WNT11: variants seen among roughly 807,000 people sequenced by gnomAD.
WNT11 encodes the protein Wnt family member 11, also known as protein Wnt-11.
Under a neutral mutation model 35.6 loss-of-function variants are expected in WNT11, and 20 were observed. The ratio of observed to expected loss-of-function variants is 0.56; its 90% CI spans 0.40 to 0.82. The LOEUF (loss-of-function observed/expected upper bound fraction) is 0.82. Ranked by LOEUF, WNT11 falls within the 40% of genes least tolerant of loss-of-function variation. WNT11 has a pLI of 0.00. For synonymous variants in WNT11, 200 were observed against 211.9 expected (o/e 0.94, Z 0.49); for missense variants, 459 against 504.4 (o/e 0.91, Z 0.86).
Position 76,187,040 on chromosome 11 carries a change from C to A in WNT11, c.*25G>T. The A allele has an allele frequency of 6.2e-7, 1 of 1,606,446 alleles. No individual in the cohort carries two copies. The highest frequency in any genetic ancestry group is 1.1e-5 in the South Asian group (1 of 91,034). On this transcript the variant is annotated 3_prime_UTR_variant, in exon 5 of 5. Coordinates refer to ENST00000322563, the MANE Select transcript of WNT11 (RefSeq NM_004626.3). ...AGGGTCCTTGAGCAGAGTCCTCGCT[C>A]CTGCGTGGGGCGGAGGGCAGGGCCT...
At position 76,206,385 on chromosome 11, in the gene WNT11, C is replaced by T. The variant is rs765357091; in HGVS notation, c.23G>A (p.Cys8Tyr). The change falls in exon 1 of 5, where the codon TGC becomes TAC. Residue 8 changes from cysteine to tyrosine, a missense_variant. Coordinates refer to ENST00000322563, the MANE Select transcript of WNT11 (RefSeq NM_004626.3). MRARPQV[C>Y]EALLFALALQ... Reference sequence around the variant, plus strand: ...CGCCAGGGCGAAGAGCAGCGCCTCGCAGACCTGCGGCCGCGCCCTCATCGT... The same window carrying T: ...CGCCAGGGCGAAGAGCAGCGCCTCGTAGACCTGCGGCCGCGCCCTCATCGT... 17 of 1,548,690 alleles carry T rather than the reference C, an allele frequency of 1.1e-5. No individual in the cohort carries two copies. The highest frequency in any genetic ancestry group is 1.5e-5 in the Non-Finnish European group (17 of 1,153,444).
rs1018470573 is a variant in WNT11 at position 76,186,463 on chromosome 11, TAG to T, written c.*600_*601del. ...GCTGCTTAAAAAGCTAGTTTTAAAA[TAG>T]AGATCATTATATATATACATATATA... is the stretch of plus-strand genomic sequence containing the variant. On this transcript the variant is annotated 3_prime_UTR_variant, in exon 5 of 5. Transcript: ENST00000322563. 6.1e-4 allele frequency: 91 copies of T among 149,780 alleles called. No individual in the cohort carries two copies. Among genetic ancestry groups the T allele is most frequent in the African/African-American group, 2.1e-3 (85 of 40,988 alleles). 9.3% of individuals were successfully genotyped at this position (149,780 alleles called of 1,614,324 possible).
intron 1 of WNT11, among the ~76,000 whole-genome samples, chr11:76,202,444 T>C (rs1053048597): frequency 6.6e-6 from 1 of 152,106 alleles, no homozygotes; most frequent in African/African-American, 2.4e-5. Flanking sequence ...CCTTTCCCCG[T>C]GTCTCTTTGG....
At chr11:76,193,327 T>A (rs1401748463) in intron 3 of WNT11, among the ~76,000 whole-genome samples, 1 of 152,150 alleles carries the variant, frequency 6.6e-6, no homozygotes, top group Non-Finnish European at 1.5e-5. Flanking sequence ...CGGAGGACCC[T>A]CTTTGGGCTG....
chr11:76,196,437 C>T lies in WNT11; in HGVS notation c.319+46G>A, dbSNP rs754186015. Reference sequence around the variant, plus strand: ...ACACACACAGATTGATGCCTGAATTCCTTCACCCGCACCCACATGCATTCA... The same window carrying T: ...ACACACACAGATTGATGCCTGAATTTCTTCACCCGCACCCACATGCATTCA... On this transcript the variant is annotated intron_variant, in intron 2 of 4. Coordinates refer to ENST00000322563, the MANE Select transcript of WNT11 (RefSeq NM_004626.3). 7.2e-5 allele frequency: 115 copies of T among 1,601,780 alleles called. No homozygotes were observed. In the Middle Eastern group the frequency reaches 8.3e-4, roughly 12 times the overall value.
chr11:76,196,212 C>G (rs931257459), intron 2 of WNT11, among the ~76,000 whole-genome samples: 7 of 152,216 alleles, frequency 4.6e-5, no homozygotes, highest in Non-Finnish European at 7.3e-5. Context: ...CATGGGGGCA[C>G]ACAGGTACAT....
chr11:76,191,707 G>A lies in WNT11; in HGVS notation c.747C>T (p.His249=), dbSNP rs752898406. 1 of 1,613,916 alleles carries A rather than the reference G, an allele frequency of 6.2e-7. No individual in the cohort carries two copies. The highest frequency in any genetic ancestry group is 1.7e-5 in the Admixed American group (1 of 60,028). Residue 249 remains histidine, a synonymous_variant, in exon 4 of 5, where the codon CAC becomes CAT. Coordinates refer to ENST00000322563, the MANE Select transcript of WNT11 (RefSeq NM_004626.3). ...GGTGCTTGCGGGTGCCCATGGGTCGGTGCACTACCTTGGTGGCCGACAGGT... is the reference window on the plus strand; with the variant it reads ...GGTGCTTGCGGGTGCCCATGGGTCGATGCACTACCTTGGTGGCCGACAGGT... ...TRYLSATKVV[H]RPMGTRKHLV...
At chr11:76,209,048 C>T (rs1385490773), upstream of WNT11, among the ~76,000 whole-genome samples, 1 of 152,180 alleles carries the variant, frequency 6.6e-6, no homozygotes, top group Non-Finnish European at 1.5e-5. Flanking sequence ...TCCTGGGCCC[C>T]CGCTTCTCCG....
chr11:76,187,310 G>T, intron 4 of WNT11, 71 bp from the exon 5 acceptor site: 1 of 1,434,532 alleles, frequency 7.0e-7, no homozygotes, highest in Non-Finnish European at 9.2e-7. Flanking sequence ...ATGACTCCCA[G>T]CCAGGCAGCC....
Position 76,206,435 on chromosome 11 carries a change from A to G in WNT11, c.-28T>C, listed in dbSNP as rs1282076604. On this transcript the variant is annotated 5_prime_UTR_variant, in exon 1 of 5. Transcript: ENST00000322563. ...TCGCGCGGCGGGCGCGCCCGGGGTC[A>G]CACCCAGGAGGAGCCGCGCCGAAGT... The G allele has an allele frequency of 6.8e-7, 1 of 1,460,412 alleles. No individual in the cohort carries two copies. Among genetic ancestry groups the G allele is most frequent in the South Asian group, 1.3e-5 (1 of 74,564 alleles). The allele number at this position is 1,460,412 out of a possible 1,614,324, so 90.5% of individuals were successfully genotyped here. A position where few individuals can be genotyped will look rare whatever the true frequency, so the allele number is the denominator to read the frequency against.
chr11:76,203,449 C>A (rs966189920), intron 1 of WNT11, among the ~76,000 whole-genome samples: 4 of 152,212 alleles, frequency 2.6e-5, no homozygotes, highest in Non-Finnish European at 1.5e-5. Flanking sequence ...TCTCACCCCA[C>A]CGCTTCCGTG....
chr11:76,190,158 G>A (rs1315535062), intron 4 of WNT11, among the ~76,000 whole-genome samples: 1 of 152,056 alleles, frequency 6.6e-6, no homozygotes, highest in African/African-American at 2.4e-5. Flanking sequence ...CCTCCCCACT[G>A]TGCGGAAGAC....
intron 1 of WNT11, among the ~76,000 whole-genome samples, chr11:76,201,184 G>T (rs1283602023): frequency 6.6e-6 from 1 of 152,206 alleles, no homozygotes; most frequent in African/African-American, 2.4e-5. Flanking sequence ...GCGGCCCAAG[G>T]GTAAATGAGA....
intron 4 of WNT11, among the ~76,000 whole-genome samples, chr11:76,188,179 C>T (rs2134562302): frequency 6.6e-6 from 1 of 152,364 alleles, no homozygotes; most frequent in African/African-American, 2.4e-5. Flanking sequence ...CCATGTGCCT[C>T]CTGTGGGTCA....
chr11:76,194,826 A>G lies in WNT11; in HGVS notation c.338T>C (p.Phe113Ser). The G allele has an allele frequency of 1.3e-6, 2 of 1,526,836 alleles. No individual in the cohort carries two copies. Among genetic ancestry groups the G allele is most frequent in the South Asian group, 1.2e-5 (1 of 80,604 alleles). 94.6% of individuals were successfully genotyped at this position (1,526,836 alleles called of 1,614,324 possible). A position where few individuals can be genotyped will look rare whatever the true frequency, so the allele number is the denominator to read the frequency against. ...DLERGTRESA[F>S]VYALSAAAIS... ...GGCGGCGGCCGACAGCGCATACACG[A>G]AGGCCGACTCCCGGGTCCCTGAGGG... The change falls in exon 3 of 5, where the codon TTC (phenylalanine) becomes TCC (serine). Residue 113 changes from phenylalanine to serine, a missense_variant. Transcript: ENST00000322563. The surrounding 1 kb of genome is among the most constrained non-coding windows in gnomAD (Gnocchi z 5.4).
chr11:76,201,339 G>A (rs765202731), intron 1 of WNT11, among the ~76,000 whole-genome samples: 15 of 152,234 alleles, frequency 9.9e-5, no homozygotes, highest in Non-Finnish European at 1.5e-4. Context: ...GATCACAGGC[G>A]GGAGGCAGCA....
intron 1 of WNT11, among the ~76,000 whole-genome samples, chr11:76,205,625 G>C (rs1953459548): frequency 6.6e-6 from 1 of 152,088 alleles, no homozygotes; most frequent in African/African-American, 2.4e-5. Context: ...CAGCTCCTCC[G>C]GGAAGGGGCT....
In WNT11 at chr11:76,194,501, G is replaced by A; in HGVS notation, c.597+66C>T. The A allele has an allele frequency of 1.3e-6, 2 of 1,494,590 alleles. No homozygotes were observed. Among genetic ancestry groups the A allele is most frequent in the Non-Finnish European group, 9.0e-7 (1 of 1,115,864 alleles). The allele number at this position is 1,494,590 out of a possible 1,614,324, so 92.6% of individuals were successfully genotyped here. On this transcript the variant is annotated intron_variant, in intron 3 of 4. Coordinates refer to ENST00000322563, the MANE Select transcript of WNT11 (RefSeq NM_004626.3). This position sits in a 1 kb window ranked among gnomAD's most constrained non-coding sequence, Gnocchi z 5.4. ...GCACCCCCCACCACTGGGGCAAGCTGGGTGGCCCTTTTCTGGCCAATGGCA... is the reference window on the plus strand; with the variant it reads ...GCACCCCCCACCACTGGGGCAAGCTAGGTGGCCCTTTTCTGGCCAATGGCA...
Position 76,206,496 on chromosome 11 carries a change from C to T in WNT11, c.-89G>A, listed in dbSNP as rs553924697. 201 of 1,256,896 alleles carry T rather than the reference C, an allele frequency of 1.6e-4. No homozygotes were observed. In the African/African-American group the frequency reaches 2.5e-3, roughly 16 times the overall value. 77.9% of individuals were successfully genotyped at this position (1,256,896 alleles called of 1,614,324 possible). A position where few individuals can be genotyped will look rare whatever the true frequency, so the allele number is the denominator to read the frequency against. On this transcript the variant is annotated 5_prime_UTR_variant, in exon 1 of 5. Transcript: ENST00000322563. ...CACGGCCGCCGCTGGTCCTGCACGCCGCCTGCAGCCGGGGAGAGCGGAGGC... is the reference window on the plus strand; with the variant it reads ...CACGGCCGCCGCTGGTCCTGCACGCTGCCTGCAGCCGGGGAGAGCGGAGGC...
Sources: allele counts gnomAD v4.1 joint callset (sites outside exome capture counted in the v4.1 genomes callset), GRCh38; gene constraint gnomAD v4.1.1; non-coding constraint Gnocchi (gnomAD v3.1); transcripts MANE v1.5; gene names NCBI Gene and HGNC (gene_info 2026-07-23, HGNC 2026-07-21).